TRIM9: variants seen among roughly 807,000 people sequenced by gnomAD.
TRIM9 encodes the protein tripartite motif containing 9.
A neutral mutation model predicts 78.3 loss-of-function variants in TRIM9; 26 were observed. The observed-to-expected ratio is 0.33, with a 90% CI of 0.24 to 0.46. The LOEUF is 0.46. TRIM9 is among the 20% of genes least tolerant of loss of function. The pLI, the probability that TRIM9 is intolerant of heterozygous loss-of-function variation, is 1.00. For synonymous variants in TRIM9, 398 were observed against 416.5 expected (o/e 0.96, Z 0.54); for missense variants, 787 against 1,036.4 (o/e 0.76, Z 3.30).
intron 1 of TRIM9, among the ~76,000 whole-genome samples, chr14:51,060,467 A>G (rs1281509943): frequency 6.6e-6 from 1 of 151,346 alleles, no homozygotes; most frequent in African/African-American, 2.4e-5. Context: ...TCTTATATTC[A>G]TTCTCTTTTT....
intron 1 of TRIM9, among the ~76,000 whole-genome samples, chr14:51,064,059 A>AAT (rs1300279503): frequency 6.6e-6 from 1 of 152,148 alleles, no homozygotes; most frequent in Non-Finnish European, 1.5e-5. Context: ...ATGAAGATTT[A>AAT]ATATATATGA....
rs150722871 is a variant in TRIM9 at position 51,019,566 on chromosome 14, T to C, written c.1041+3269A>G. ...CCAGGTTCATGGATAATAACACCAG[T>C]GTATGAGCTAATTCTAGGCTATGAA... On this transcript the variant is annotated intron_variant, in intron 3 of 12. Transcript: ENST00000684578. Among the ~76,000 whole-genome samples, 99 of 152,262 alleles carry C rather than the reference T, an allele frequency of 6.5e-4. 2 individuals carry two copies. Among genetic ancestry groups the C allele is most frequent in the African/African-American group, 2.2e-3 (93 of 41,550 alleles).
chr14:50,977,779 C>T (rs577192533), intron 12 of TRIM9, among the ~76,000 whole-genome samples: 1 of 152,282 alleles, frequency 6.6e-6, no homozygotes, highest in East Asian at 1.9e-4. Flanking sequence ...GCAAACATTT[C>T]TTTCTGGGGT....
At chr14:50,982,888 C>T in intron 10 of TRIM9, 54 bp downstream of exon 10, 1 of 1,496,668 alleles carries the variant, frequency 6.7e-7, no homozygotes, top group Non-Finnish European at 9.1e-7. Context: ...TGTGAGACAC[C>T]TCACATGCAC....
intron 7 of TRIM9, among the ~76,000 whole-genome samples, chr14:50,991,878 G>A (rs375876823): frequency 3.3e-5 from 5 of 152,164 alleles, no homozygotes; most frequent in Non-Finnish European, 7.3e-5. Context: ...ACTCAGGTAG[G>A]ATCAATTCCT....
rs759684317 is a variant in TRIM9 at position 50,979,337 on chromosome 14, T to C, written c.2325+50A>G. The C allele has an allele frequency of 3.1e-6, 5 of 1,614,134 alleles. No individual in the cohort carries two copies. The South Asian group carries it at 5.5e-5, about 18-fold the overall frequency. On this transcript the variant is annotated intron_variant, in intron 12 of 12. Coordinates refer to ENST00000684578, the MANE Select transcript of TRIM9 (RefSeq NM_001387360.1). Reference sequence around the variant, plus strand: ...GGATTGAACGGCCCTGGGCAGCCTTTGAACCGGTAGCCAGCAACAGCTGTT... The same window carrying C: ...GGATTGAACGGCCCTGGGCAGCCTTCGAACCGGTAGCCAGCAACAGCTGTT...
intron 1 of TRIM9, among the ~76,000 whole-genome samples, chr14:51,069,578 T>C (rs2062037088): frequency 6.6e-6 from 1 of 152,180 alleles, no homozygotes; most frequent in South Asian, 2.1e-4. Context: ...AAGCCAGGCA[T>C]GGTGAAGGCA....
chr14:51,045,590 T>A (rs535518534), intron 1 of TRIM9, among the ~76,000 whole-genome samples: 1 of 152,298 alleles, frequency 6.6e-6, no homozygotes, highest in South Asian at 2.1e-4. Flanking sequence ...GTAGCATAAA[T>A]CCACATTGGT....
chr14:51,002,912 G>A (rs1178735747), intron 5 of TRIM9, among the ~76,000 whole-genome samples: 1 of 152,198 alleles, frequency 6.6e-6, no homozygotes, highest in Non-Finnish European at 1.5e-5. Context: ...CATGTTTTAA[G>A]CTTCAACGGC....
intron 1 of TRIM9, among the ~76,000 whole-genome samples, chr14:51,076,740 A>C (rs1224943679): frequency 6.6e-6 from 1 of 152,104 alleles, no homozygotes; most frequent in African/African-American, 2.4e-5. Flanking sequence ...GAATGGTCTG[A>C]TTATCTCCAT....
At chr14:50,993,326 C>G (rs1596118259) in intron 7 of TRIM9, among the ~76,000 whole-genome samples, 2 of 152,052 alleles carry the variant, frequency 1.3e-5, no homozygotes, top group East Asian at 3.9e-4. Flanking sequence ...GATGGCCACT[C>G]CCACATCTTC....
chr14:51,040,292 T>C (rs1393175016), intron 1 of TRIM9, among the ~76,000 whole-genome samples: 1 of 152,234 alleles, frequency 6.6e-6, no homozygotes, highest in Non-Finnish European at 1.5e-5. Flanking sequence ...TATTTGATGC[T>C]GGTGCCCCTC....
intron 1 of TRIM9, among the ~76,000 whole-genome samples, chr14:51,061,436 A>C (rs1219557563): frequency 6.9e-6 from 1 of 145,440 alleles, no homozygotes; most frequent in Non-Finnish European, 1.5e-5. Flanking sequence ...AAAAAATTGG[A>C]TTGTTGACTT....
intron 12 of TRIM9, chr14:50,979,049 C>T: frequency 7.6e-7 from 1 of 1,308,768 alleles, no homozygotes; most frequent in Non-Finnish European, 9.7e-7. Flanking sequence ...TTTGTTAAGT[C>T]ATTCTATTTG....
chr14:51,021,250 A>G (rs2057734981), intron 3 of TRIM9, among the ~76,000 whole-genome samples: 1 of 152,210 alleles, frequency 6.6e-6, no homozygotes, highest in Non-Finnish European at 1.5e-5. Flanking sequence ...GAACAAGACC[A>G]CAGTGCACAT....
Position 50,997,133 on chromosome 14 carries a change from C to T in TRIM9, c.1603+917G>A, listed in dbSNP as rs75751509. 1,737 of 985,332 alleles carry T rather than the reference C, an allele frequency of 1.8e-3. 33 individuals carry two copies. The African/African-American group carries it at 0.028, about 16-fold the overall frequency. The allele number at this position is 985,332 out of a possible 1,614,324, so 61.0% of individuals were successfully genotyped here. On this transcript the variant is annotated intron_variant, in intron 7 of 12. Coordinates refer to ENST00000684578, the MANE Select transcript of TRIM9 (RefSeq NM_001387360.1). Reference sequence around the variant, plus strand: ...GGTGATTTCTTTGATTAAAATGACACCCCAAAGTGTCAGAATGCTTTGGCA... The same window carrying T: ...GGTGATTTCTTTGATTAAAATGACATCCCAAAGTGTCAGAATGCTTTGGCA...
At position 51,047,520 on chromosome 14, in the gene TRIM9, C is replaced by T. The variant is rs529934281; in HGVS notation, c.823-22160G>A. Among the ~76,000 whole-genome samples, 3 of 152,252 alleles carry T rather than the reference C, an allele frequency of 2.0e-5. No homozygotes were observed. In the South Asian group the frequency reaches 6.2e-4, roughly 32 times the overall value. ...CCAGAGATATTATAAAGTTAGAAAC[C>T]AAGAGAGGACACTCTGCAGCAAGTT... is the stretch of plus-strand genomic sequence containing the variant. On this transcript the variant is annotated intron_variant, in intron 1 of 12. Coordinates refer to ENST00000684578, the MANE Select transcript of TRIM9 (RefSeq NM_001387360.1).
At chr14:51,004,330 T>A (rs933792004) in intron 5 of TRIM9, among the ~76,000 whole-genome samples, 1 of 152,218 alleles carries the variant, frequency 6.6e-6, no homozygotes, top group Non-Finnish European at 1.5e-5. Flanking sequence ...GGAGCTGTGG[T>A]TCAAAATTAA....
intron 1 of TRIM9, among the ~76,000 whole-genome samples, chr14:51,040,259 A>G (rs796545229): frequency 2.0e-5 from 3 of 152,226 alleles, no homozygotes; most frequent in Non-Finnish European, 2.9e-5. Context: ...ACCAACAGAA[A>G]TAGTTGACTG....
Sources: gnomAD v4.1 joint callset for allele counts (sites outside exome capture counted in the v4.1 genomes callset) on GRCh38, gnomAD v4.1.1 for gene constraint, MANE v1.5 for transcripts, NCBI Gene and HGNC (gene_info 2026-07-23, HGNC 2026-07-21) for gene names.